Variants in PRKCE observed in about 807,000 individuals in gnomAD.
The protein encoded by PRKCE is protein kinase C epsilon type.
A neutral mutation model predicts 85.4 loss-of-function variants in PRKCE; 16 were observed. That is an observed-to-expected ratio of 0.19 (90% CI 0.13 to 0.28). The LOEUF (loss-of-function observed/expected upper bound fraction) is 0.28, where lower values mean the gene tolerates loss of function less well. PRKCE is among the 10% of genes least tolerant of loss of function. PRKCE has a pLI of 1.00. For missense variants in PRKCE, 573 were observed against 975.2 expected, an observed-to-expected ratio of 0.59 and a Z score of 5.49; for synonymous variants, 388 against 371.5, an observed-to-expected ratio of 1.04 and a Z score of -0.51.
intron 1 of PRKCE, among the ~76,000 whole-genome samples, chr2:45,796,733 G>A (rs1405044687): frequency 6.6e-6 from 1 of 152,124 alleles, no homozygotes; most frequent in South Asian, 2.1e-4. Flanking sequence ...TTTTCCCAGA[G>A]CCCAGGTCAA....
chr2:45,747,167 C>T (rs897947145), intron 1 of PRKCE, among the ~76,000 whole-genome samples: 28 of 152,206 alleles, frequency 1.8e-4, no homozygotes, highest in African/African-American at 6.3e-4. Flanking sequence ...TATGAAACAA[C>T]TGGGTATTTT....
intron 2 of PRKCE, among the ~76,000 whole-genome samples, chr2:45,912,307 G>A (rs1697441004): frequency 6.6e-6 from 1 of 152,184 alleles, no homozygotes; most frequent in Non-Finnish European, 1.5e-5. Flanking sequence ...GTAATAGATA[G>A]AGGGCCCCAG....
chr2:45,882,883 T>A (rs112620909), intron 2 of PRKCE, among the ~76,000 whole-genome samples: 2 of 152,226 alleles, frequency 1.3e-5, no homozygotes, highest in African/African-American at 4.8e-5. Context: ...GCAAGCAGGC[T>A]CCCTGCAAAA....
intron 2 of PRKCE, among the ~76,000 whole-genome samples, chr2:45,899,344 A>G (rs1244914114): frequency 7.0e-6 from 1 of 143,752 alleles, no homozygotes; most frequent in Non-Finnish European, 1.5e-5. Flanking sequence ...TATAATTGCC[A>G]CTCCTCCTTC....
chr2:46,130,213 A>G (rs1394123140), intron 11 of PRKCE, among the ~76,000 whole-genome samples: 3 of 152,192 alleles, frequency 2.0e-5, no homozygotes, highest in Admixed American at 2.0e-4. Flanking sequence ...AACACAAAGT[A>G]TAATCTAATA....
At chr2:45,891,234 C>A (rs1695699193) in intron 2 of PRKCE, among the ~76,000 whole-genome samples, 1 of 152,188 alleles carries the variant, frequency 6.6e-6, no homozygotes, top group Admixed American at 6.5e-5. Context: ...TGATACGTAC[C>A]ATTCTGTTTG....
At chr2:46,165,388 G>C (rs1319077205) in intron 14 of PRKCE, among the ~76,000 whole-genome samples, 6 of 152,214 alleles carry the variant, frequency 3.9e-5, no homozygotes, top group African/African-American at 1.4e-4. Flanking sequence ...TTTTCCGGGG[G>C]TGGCTTGCTT....
chr2:46,046,173 G>A (rs1340788248), intron 10 of PRKCE, among the ~76,000 whole-genome samples: 2 of 152,222 alleles, frequency 1.3e-5, no homozygotes, highest in African/African-American at 2.4e-5. Flanking sequence ...AGTACTGGAT[G>A]AGAACCATAA....
At chr2:45,699,038 C>T (rs75497695) in intron 1 of PRKCE, among the ~76,000 whole-genome samples, 2,674 of 152,130 alleles carry the variant, frequency 0.018, 75 homozygotes, top group African/African-American at 0.06. Context: ...TTTCTAGCTT[C>T]GTCTATTTCT....
intron 1 of PRKCE, among the ~76,000 whole-genome samples, chr2:45,739,654 C>A (rs571384924): frequency 4.9e-4 from 74 of 152,172 alleles, no homozygotes; most frequent in African/African-American, 1.7e-3. Context: ...AGACAAAATT[C>A]TAGGGTTAGG....
At chr2:45,733,096 T>C (rs1156477871) in intron 1 of PRKCE, among the ~76,000 whole-genome samples, 1 of 152,212 alleles carries the variant, frequency 6.6e-6, no homozygotes, top group African/African-American at 2.4e-5. Flanking sequence ...GATTTGGCCC[T>C]GGGGCTGCGG....
chr2:45,676,567 C>G (rs1056742581), intron 1 of PRKCE, among the ~76,000 whole-genome samples: 1 of 152,188 alleles, frequency 6.6e-6, no homozygotes, highest in African/African-American at 2.4e-5. Context: ...CTGATCCATA[C>G]ATGGAAGTAG....
intron 5 of PRKCE, among the ~76,000 whole-genome samples, chr2:45,980,927 T>A (rs185849207): frequency 6.6e-6 from 1 of 152,218 alleles, no homozygotes; most frequent in Admixed American, 6.5e-5. Flanking sequence ...ATGAGGTAGA[T>A]GTTATTATCT....
Position 46,001,768 on chromosome 2 carries a change from G to A in PRKCE, c.966+222G>A, listed in dbSNP as rs535642035. ...GGACTGAAAACACAGCAAGCCTCAA[G>A]GGTTACGTTTGCCAAAGAAACATAA... On this transcript the variant is annotated intron_variant, in intron 7 of 14. Coordinates refer to ENST00000306156, the MANE Select transcript of PRKCE (RefSeq NM_005400.3). This position sits in a 1 kb window ranked among gnomAD's most constrained non-coding sequence, Gnocchi z 4.4. Among the ~76,000 whole-genome samples, 7 of 152,312 alleles carry A rather than the reference G, an allele frequency of 4.6e-5. No homozygotes were observed. The highest frequency in any genetic ancestry group is 1.4e-4 in the African/African-American group (6 of 41,570).
intron 11 of PRKCE, among the ~76,000 whole-genome samples, chr2:46,100,026 GCTGGGTCTCA>G (rs1392766184): frequency 1.3e-5 from 2 of 152,104 alleles, no homozygotes; most frequent in Non-Finnish European, 1.5e-5. Context: ...ACTTCTCCTT[GCTGGGTCTCA>G]GTTTTCCTAC....
chr2:45,885,343 T>A (rs1014324094), intron 2 of PRKCE, among the ~76,000 whole-genome samples: 1 of 152,140 alleles, frequency 6.6e-6, no homozygotes, highest in South Asian at 2.1e-4. Flanking sequence ...TCCTTTTTTT[T>A]ATCGACCCTA....
At chr2:45,990,653 ACTTT>A (rs1340658388) in intron 6 of PRKCE, among the ~76,000 whole-genome samples, 1 of 148,752 alleles carries the variant, frequency 6.7e-6, no homozygotes, top group East Asian at 2.0e-4. Context: ...ATTCTAAATT[ACTTT>A]CTTTTTTTTT....
At position 46,010,969 on chromosome 2, in the gene PRKCE, A is replaced by C. The variant is rs1414859109; in HGVS notation, c.1437+452A>C. On this transcript the variant is annotated intron_variant, in intron 10 of 14. Transcript: ENST00000306156. ...ATAAAGGATGTGAACAAATGCTTAA[A>C]ATTTCATAGTGAAACACAAATATAA... 3 of 1,385,476 alleles carry C rather than the reference A, an allele frequency of 2.2e-6. No homozygotes were observed. In the African/African-American group the frequency reaches 4.3e-5, roughly 20 times the overall value. The allele number at this position is 1,385,476 out of a possible 1,614,324, so 85.8% of individuals were successfully genotyped here.
chr2:45,743,111 G>A (rs1573158291), intron 1 of PRKCE, among the ~76,000 whole-genome samples: 1 of 152,178 alleles, frequency 6.6e-6, no homozygotes, highest in East Asian at 1.9e-4. Flanking sequence ...GGCTGGGTGG[G>A]GAGTGAGGGT....
Sources: gnomAD v4.1 joint callset for allele counts (sites outside exome capture counted in the v4.1 genomes callset) on GRCh38, gnomAD v4.1.1 for gene constraint, Gnocchi (gnomAD v3.1) non-coding constraint, MANE v1.5 for transcripts, NCBI Gene and HGNC (gene_info 2026-07-23, HGNC 2026-07-21) for gene names.